PBX1: variants seen among roughly 807,000 people sequenced by gnomAD.
The protein encoded by PBX1 is PBX homeobox 1.
Under a neutral mutation model 53.4 loss-of-function variants are expected in PBX1, and 6 were observed. That is an observed-to-expected ratio of 0.11 (90% CI 0.06 to 0.22). PBX1 has a LOEUF of 0.22. Among genes scored for constraint, PBX1 ranks in the 10% least tolerant of loss-of-function variants. PBX1 has a pLI of 1.00. For missense variants in PBX1, 251 were observed against 551.4 expected (o/e 0.46, Z 5.46); for synonymous variants, 204 against 212.3 (o/e 0.96, Z 0.34).
intron 8 of PBX1, among the ~76,000 whole-genome samples, chr1:164,827,248 A>C (rs963628047): frequency 1.3e-5 from 2 of 152,236 alleles, no homozygotes; most frequent in African/African-American, 4.8e-5. Flanking sequence ...ACTGAGGGTA[A>C]TAATTAAAAT....
At chr1:164,840,678 A>G (rs1352669972) in intron 8 of PBX1, among the ~76,000 whole-genome samples, 1 of 152,178 alleles carries the variant, frequency 6.6e-6, no homozygotes, top group East Asian at 1.9e-4. Context: ...TAAACGCAAA[A>G]CAAAACAGTA....
At chr1:164,786,587 A>G (rs760433477) in intron 2 of PBX1, among the ~76,000 whole-genome samples, 4 of 152,174 alleles carry the variant, frequency 2.6e-5, no homozygotes, top group Admixed American at 6.5e-5. Context: ...AAAAGAAATT[A>G]GGAAATCAAT....
At chr1:164,665,165 C>G (rs1044460000) in intron 2 of PBX1, among the ~76,000 whole-genome samples, 1 of 152,088 alleles carries the variant, frequency 6.6e-6, no homozygotes, top group Non-Finnish European at 1.5e-5. Flanking sequence ...CTGTATCGGT[C>G]AGAAATTTTA....
chr1:164,629,174 T>G (rs1031321903), intron 2 of PBX1, among the ~76,000 whole-genome samples: 3 of 151,986 alleles, frequency 2.0e-5, no homozygotes, highest in Non-Finnish European at 4.4e-5. Flanking sequence ...ATTGGCCGTG[T>G]CTCCATGGAC....
At chr1:164,589,154 G>A (rs1017646117) in intron 2 of PBX1, among the ~76,000 whole-genome samples, 3 of 152,100 alleles carry the variant, frequency 2.0e-5, no homozygotes, top group African/African-American at 7.2e-5. Flanking sequence ...GAGGGGCAGT[G>A]GGGGAGGGAG....
chr1:164,719,361 A>G (rs1664280980), intron 2 of PBX1, among the ~76,000 whole-genome samples: 1 of 152,240 alleles, frequency 6.6e-6, no homozygotes, highest in Non-Finnish European at 1.5e-5. Flanking sequence ...GATTCTGAGT[A>G]TAATGAAGTT....
At chr1:164,814,025 A>C (rs1297934314) in intron 6 of PBX1, 2 of 152,238 alleles carry the variant, frequency 1.3e-5, no homozygotes, top group Admixed American at 1.3e-4. Flanking sequence ...TAATCTGCAC[A>C]GGAACCCCTT....
chr1:164,639,730 A>G (rs983378938), intron 2 of PBX1: 3 of 152,182 alleles, frequency 2.0e-5, no homozygotes, highest in African/African-American at 4.8e-5. Flanking sequence ...TGGCATGACC[A>G]TGGCTCTCTG....
At position 164,850,120 on chromosome 1, in the gene PBX1, A is replaced by G. The variant is rs558889991; in HGVS notation, c.*3444A>G. ...TTTAAAAATGACCCTCATAGCACGC[A>G]AAACAGGATGGGGAATTTCCCCTCT... is the stretch of plus-strand genomic sequence containing the variant. On this transcript the variant is annotated 3_prime_UTR_variant, in exon 9 of 9. Coordinates refer to ENST00000420696, the MANE Select transcript of PBX1 (RefSeq NM_002585.4). 1 of 228,102 alleles carries G rather than the reference A, an allele frequency of 4.4e-6. No homozygotes were observed. The highest frequency in any genetic ancestry group is 1.8e-4 in the South Asian group (1 of 5,478). The allele number at this position is 228,102 out of a possible 1,614,324, so 14.1% of individuals were successfully genotyped here. A position where few individuals can be genotyped will look rare whatever the true frequency, so the allele number is the denominator to read the frequency against.
At chr1:164,586,319 G>C (rs1313979087) in intron 2 of PBX1, among the ~76,000 whole-genome samples, 1 of 152,174 alleles carries the variant, frequency 6.6e-6, no homozygotes, top group African/African-American at 2.4e-5. Context: ...AGTTATCCCT[G>C]TTGCAAGAAC....
chr1:164,839,090 C>T (rs1033990237), intron 8 of PBX1, among the ~76,000 whole-genome samples: 6 of 152,182 alleles, frequency 3.9e-5, no homozygotes, highest in Non-Finnish European at 7.3e-5. Flanking sequence ...CCCTTGGAGA[C>T]TCTGGAAAGG....
intron 2 of PBX1, among the ~76,000 whole-genome samples, chr1:164,687,561 T>TA (rs5778407): frequency 0.27 from 29,899 of 110,174 alleles, 4,077 homozygotes; most frequent in Middle Eastern, 0.32. Context: ...AGACCTTGTC[T>TA]AAAAAAAAAA....
At chr1:164,758,851 T>C (rs1666662849) in intron 2 of PBX1, among the ~76,000 whole-genome samples, 4 of 152,172 alleles carry the variant, frequency 2.6e-5, no homozygotes, top group Admixed American at 2.0e-4. Flanking sequence ...TGGCACATAG[T>C]AGGTACTCAC....
chr1:164,658,230 C>T (rs754404762), intron 2 of PBX1, among the ~76,000 whole-genome samples: 1 of 151,832 alleles, frequency 6.6e-6, no homozygotes, highest in Non-Finnish European at 1.5e-5. Flanking sequence ...ACAGCCCATG[C>T]GAATTCTGCA....
intron 2 of PBX1, among the ~76,000 whole-genome samples, chr1:164,742,155 A>G (rs945076551): frequency 2.6e-5 from 4 of 152,188 alleles, no homozygotes; most frequent in Non-Finnish European, 4.4e-5. Flanking sequence ...ATTTTATTCT[A>G]TCTCAGGTAG....
intron 2 of PBX1, among the ~76,000 whole-genome samples, chr1:164,766,742 T>TTTA (rs1557994563): frequency 7.4e-5 from 11 of 149,072 alleles, no homozygotes; most frequent in African/African-American, 2.7e-4. Flanking sequence ...TTATTTATTT[T>TTTA]TTTTTTTTTG....
intron 2 of PBX1, among the ~76,000 whole-genome samples, chr1:164,638,937 C>G (rs1223636049): frequency 1.3e-5 from 2 of 152,176 alleles, no homozygotes; most frequent in African/African-American, 4.8e-5. Flanking sequence ...CAGACTCCCC[C>G]TACCCCTCCT....
intron 2 of PBX1, chr1:164,674,966 A>G (rs974986852): frequency 6.7e-6 from 1 of 150,364 alleles, no homozygotes; most frequent in Admixed American, 6.8e-5. Flanking sequence ...AGTTTGCCAA[A>G]TACTTTCATT....
chr1:164,758,161 C>T (rs1666626053), intron 2 of PBX1, among the ~76,000 whole-genome samples: 1 of 152,138 alleles, frequency 6.6e-6, no homozygotes, highest in Admixed American at 6.5e-5. Flanking sequence ...CAACTTCTAC[C>T]CCTAGAAACC....
Sources: gnomAD v4.1 joint callset for allele counts (sites outside exome capture counted in the v4.1 genomes callset) on GRCh38, gnomAD v4.1.1 for gene constraint, MANE v1.5 for transcripts, NCBI Gene and HGNC (gene_info 2026-07-23, HGNC 2026-07-21) for gene names.